Variants in ITGAX observed in about 807,000 individuals in gnomAD.
ITGAX encodes integrin alpha-X.
A neutral mutation model predicts 140.2 loss-of-function variants in ITGAX; 99 were observed. That is an observed-to-expected ratio of 0.71 (90% CI 0.60 to 0.83). ITGAX has a LOEUF of 0.83. Among genes scored for constraint, ITGAX ranks in the 40% least tolerant of loss-of-function variants. The pLI is 0.00. For missense variants in ITGAX, 1,444 were observed against 1,482.0 expected, an observed-to-expected ratio of 0.97 and a Z score of 0.42; for synonymous variants, 631 against 600.4, an observed-to-expected ratio of 1.05 and a Z score of -0.75.
chr16:31,359,661 G>A (rs1429389432), intron 5 of ITGAX, 39 bp from the exon 6 acceptor site: 1 of 1,609,504 alleles, frequency 6.2e-7, no homozygotes, highest in Non-Finnish European at 8.5e-7. Context: ...TGGACTCCAG[G>A]AGTGTCACTT....
At chr16:31,358,921 G>A (rs2080791218) in intron 5 of ITGAX, among the ~76,000 whole-genome samples, 1 of 150,566 alleles carries the variant, frequency 6.6e-6, no homozygotes, top group Non-Finnish European at 1.5e-5. Flanking sequence ...GGGCTCAAGT[G>A]ATCCTCCCAC....
intron 17 of ITGAX, 68 bp downstream of exon 17, chr16:31,371,852 C>T: frequency 6.4e-7 from 1 of 1,565,796 alleles, no homozygotes; most frequent in Non-Finnish European, 8.7e-7. Context: ...AGGGAGAGAA[C>T]AGGCTGTGTT....
intron 20 of ITGAX, among the ~76,000 whole-genome samples, chr16:31,373,813 C>T (rs1024456389): frequency 6.6e-6 from 1 of 152,218 alleles, no homozygotes; most frequent in Non-Finnish European, 1.5e-5. Flanking sequence ...TGTGTCACAG[C>T]TGCTAACCTC....
In ITGAX at chr16:31,362,515, T is replaced by G. The variant is rs1459451538; in HGVS notation, c.1217-96T>G. On this transcript the variant is annotated intron_variant, in intron 11 of 29. Coordinates refer to ENST00000268296, the MANE Select transcript of ITGAX (RefSeq NM_000887.5). Reference sequence around the variant, plus strand: ...TTGCCCAGGGTGGGGTCCAGGGTTCTGGGGAGGGGAGATGGTGCTGTGCTG... The same window carrying G: ...TTGCCCAGGGTGGGGTCCAGGGTTCGGGGGAGGGGAGATGGTGCTGTGCTG... The G allele has an allele frequency of 1.0e-5, 12 of 1,175,012 alleles. No homozygotes were observed. The African/African-American group carries it at 3.5e-4, about 35-fold the overall frequency. 72.8% of individuals were successfully genotyped at this position (1,175,012 alleles called of 1,614,324 possible).
At chr16:31,364,676 A>G (rs2080873525) in intron 14 of ITGAX, among the ~76,000 whole-genome samples, 1 of 152,026 alleles carries the variant, frequency 6.6e-6, no homozygotes, top group East Asian at 1.9e-4. Flanking sequence ...GATGATGTAA[A>G]TCCACGCAGC....
intron 8 of ITGAX, chr16:31,360,729 T>C (rs944391821): frequency 9.7e-6 from 5 of 515,658 alleles, no homozygotes; most frequent in Non-Finnish European, 1.7e-5. Context: ...TTGCCCAGGC[T>C]GGTCTCAAAT....
intron 8 of ITGAX, 128 bp from the exon 9 acceptor site, chr16:31,360,935 C>T (rs573888461): frequency 3.0e-5 from 26 of 876,202 alleles, no homozygotes; most frequent in African/African-American, 2.4e-4. Context: ...GTCCGGGCTT[C>T]GTGTTTCTCC....
intron 28 of ITGAX, 89 bp downstream of exon 28, chr16:31,380,713 T>TG: frequency 6.6e-7 from 1 of 1,514,194 alleles, no homozygotes; most frequent in Non-Finnish European, 9.1e-7. Flanking sequence ...TTGCAAGCCT[T>TG]GGGGGAGGAG....
intron 29 of ITGAX, among the ~76,000 whole-genome samples, chr16:31,381,271 C>T (rs1016745455): frequency 1.3e-5 from 2 of 152,162 alleles, no homozygotes; most frequent in African/African-American, 2.4e-5. Context: ...CATATAAAAG[C>T]ACAGACCTGG....
rs1351411701 is a variant in ITGAX at position 31,379,753 on chromosome 16, G to A, written c.2869-4G>A. 3.1e-6 allele frequency: 5 copies of A among 1,613,012 alleles called. No individual in the cohort carries two copies. Among genetic ancestry groups the A allele is most frequent in the Non-Finnish European group, 3.4e-6 (4 of 1,179,452 alleles). ...GGGCTCTGCCCTCAGTGCCCTCTGT[G>A]CAGGTCAATAACCTGGGACAGAGGG... is the stretch of plus-strand genomic sequence containing the variant. On this transcript the variant is annotated splice_polypyrimidine_tract_variant and splice_region_variant and intron_variant, in intron 24 of 29. Coordinates refer to ENST00000268296, the MANE Select transcript of ITGAX (RefSeq NM_000887.5).
intron 27 of ITGAX, 45 bp from the exon 28 acceptor site, chr16:31,380,478 C>T: frequency 6.2e-7 from 1 of 1,612,006 alleles, no homozygotes; most frequent in Non-Finnish European, 8.5e-7. Flanking sequence ...AGCTCTGAGC[C>T]TCCCCCAGAG....
chr16:31,373,186 T>C, intron 19 of ITGAX, 63 bp from the exon 20 acceptor site: 1 of 1,225,830 alleles, frequency 8.2e-7, no homozygotes. Context: ...CCCCATTTTA[T>C]CCCAGACCAT....
chr16:31,372,453 T>G lies in ITGAX; in HGVS notation c.2236T>G (p.Phe746Val). 6.2e-7 allele frequency: 1 copy of G among 1,608,212 alleles called. No homozygotes were observed. Among genetic ancestry groups the G allele is most frequent in the South Asian group, 1.1e-5 (1 of 90,566 alleles). The change falls in exon 18 of 30, where the codon TTC becomes GTC. Residue 746 changes from phenylalanine (F) to valine (V), a missense_variant. Phe to Val is a conservative substitution (Grantham distance 50). Coordinates refer to ENST00000268296, the MANE Select transcript of ITGAX (RefSeq NM_000887.5). ...GCTGGTGGGCAAGCCCCTCCTTGCC[T>G]TCAGAAACCTGCGGCCTATGCTGGC... The part of the protein sequence containing the change: ...FTLVGKPLLA[F>V]RNLRPMLAAD...
Position 31,382,279 on chromosome 16 carries a change from T to C in ITGAX, c.*372T>C. 1.1e-6 allele frequency: 1 copy of C among 900,020 alleles called. No homozygotes were observed. 55.8% of individuals were successfully genotyped at this position (900,020 alleles called of 1,614,324 possible). ...TTTTTTTTTTGAGACGGAGTCTCGCTCTGTCACCCAGGCTGGAGTGCAATG... is the reference window on the plus strand; with the variant it reads ...TTTTTTTTTTGAGACGGAGTCTCGCCCTGTCACCCAGGCTGGAGTGCAATG... On this transcript the variant is annotated 3_prime_UTR_variant, in exon 30 of 30. Transcript: ENST00000268296.
At chr16:31,370,988 C>G in intron 14 of ITGAX, 96 bp from the exon 15 acceptor site, 1 of 1,522,634 alleles carries the variant, frequency 6.6e-7, no homozygotes, top group Non-Finnish European at 9.0e-7. Context: ...CCTTCTCTCC[C>G]TTTCCGATGG....
chr16:31,364,968 G>A (rs1233623198), intron 14 of ITGAX, among the ~76,000 whole-genome samples: 1 of 152,100 alleles, frequency 6.6e-6, no homozygotes, highest in Non-Finnish European at 1.5e-5. Flanking sequence ...GTGGTGAGCC[G>A]AGATCGCGGC....
rs61761300 is a variant in ITGAX at position 31,371,782 on chromosome 16, C to G, written c.2158C>G (p.Pro720Ala). Reference protein sequence around the residue: ...AHCENFNLLLPSCVEDSVTPI... With the variant: ...AHCENFNLLLASCVEDSVTPI... Reference sequence around the variant, plus strand: ...CTGTGAAAACTTCAACCTGCTGCTCCCGGTGCGTCTGGGCATGAACGTGGG... The same window carrying G: ...CTGTGAAAACTTCAACCTGCTGCTCGCGGTGCGTCTGGGCATGAACGTGGG... Residue 720 changes from proline to alanine, a missense_variant and splice_region_variant, in exon 17 of 30, where the codon CCG (proline) becomes GCG (alanine). Coordinates refer to ENST00000268296, the MANE Select transcript of ITGAX (RefSeq NM_000887.5). 4.2e-5 allele frequency: 68 copies of G among 1,613,832 alleles called. No individual in the cohort carries two copies. In the East Asian group the frequency reaches 1.1e-3, roughly 25 times the overall value.
rs747149734 is a variant in ITGAX at position 31,362,641 on chromosome 16, G to A, written c.1247G>A (p.Gly416Glu). The change falls in exon 12 of 30, where the codon GGG becomes GAG. Residue 416 changes from glycine to glutamate, a missense_variant. By Grantham distance (98) the Gly-to-Glu change is moderately conservative. Transcript: ENST00000268296. ...GYSTELALWK[G>E]VQSLVLGAPR... is the part of the protein sequence containing the mutation. The stretch of plus-strand genomic sequence containing the variant: ...TCCACCGAGCTGGCCCTCTGGAAAG[G>A]GGTGCAGAGCCTGGTCCTGGGGGCC... 3 of 1,612,886 alleles carry A rather than the reference G, an allele frequency of 1.9e-6. No individual in the cohort carries two copies. The highest frequency in any genetic ancestry group is 1.1e-5 in the South Asian group (1 of 91,040).
Position 31,362,120 on chromosome 16 carries a change from G to A in ITGAX, c.1132G>A (p.Gly378Ser). Residue 378 changes from glycine to serine, a missense_variant, in exon 11 of 30, where the codon GGT (glycine) becomes AGT (serine). Gly to Ser is a moderately conservative substitution (Grantham distance 56). Coordinates refer to ENST00000268296, the MANE Select transcript of ITGAX (RefSeq NM_000887.5). ...TGTGGGGAGCTTCACCTGGTCTGGA[G>A]GTGCCTTCCTGTACCCCCCAAATAT... is the stretch of plus-strand genomic sequence containing the variant. ...GAVGSFTWSG[G>S]AFLYPPNMSP... is the part of the protein sequence containing the mutation. 2 of 1,614,120 alleles carry A rather than the reference G, an allele frequency of 1.2e-6. No individual in the cohort carries two copies. The highest frequency in any genetic ancestry group is 1.7e-6 in the Non-Finnish European group (2 of 1,180,000).
Sources: allele counts gnomAD v4.1 joint callset (sites outside exome capture counted in the v4.1 genomes callset), GRCh38; gene constraint gnomAD v4.1.1; transcripts MANE v1.5; gene names NCBI Gene and HGNC (gene_info 2026-07-23, HGNC 2026-07-21).